Variants in PRKCH observed in about 807,000 individuals in gnomAD.
PRKCH encodes protein kinase C eta type.
In PRKCH, 28 loss-of-function variants were observed where a neutral mutation model predicts 82.5. That is an observed-to-expected ratio of 0.34 (90% CI 0.25 to 0.47). The LOEUF is 0.47. Ranked by LOEUF, PRKCH falls within the 20% of genes least tolerant of loss-of-function variation. The pLI, the probability that PRKCH is intolerant of heterozygous loss-of-function variation, is 1.00. For missense variants in PRKCH, 705 were observed against 881.8 expected (o/e 0.80, Z 2.54); for synonymous variants, 322 against 327.4 (o/e 0.98, Z 0.18).
At chr14:61,315,561 T>C (rs1402442626) in intron 1 of PRKCH, among the ~76,000 whole-genome samples, 1 of 152,176 alleles carries the variant, frequency 6.6e-6, no homozygotes, top group African/African-American at 2.4e-5. Flanking sequence ...CCTGGCAAGG[T>C]ATCAAATGCC....
In PRKCH at chr14:61,280,508, C is replaced by A. The variant is rs2045249145; in HGVS notation, c.-19+92840C>A. On this transcript the variant is annotated intron_variant, in intron 1 of 3. Coordinates refer to the PRKCH transcript ENST00000555185. This position sits in a 1 kb window ranked among gnomAD's most constrained non-coding sequence, Gnocchi z 5.0. ...CCCTGGAAGGCCAACGCCAGGCTGC[C>A]GTTGACCAGCGGCGGGTTGCGGAAC... 3.7e-6 allele frequency: 6 copies of A among 1,612,964 alleles called. No individual in the cohort carries two copies. Among genetic ancestry groups the A allele is most frequent in the Non-Finnish European group, 5.1e-6 (6 of 1,179,606 alleles).
At chr14:61,502,640 T>C (rs1306915880) in intron 10 of PRKCH, among the ~76,000 whole-genome samples, 1 of 152,148 alleles carries the variant, frequency 6.6e-6, no homozygotes, top group Admixed American at 6.5e-5. Context: ...GGACTGCTTA[T>C]TCACCAGGGA....
chr14:61,301,198 G>C (rs1202747699), intron 1 of PRKCH, among the ~76,000 whole-genome samples: 1 of 152,114 alleles, frequency 6.6e-6, no homozygotes, highest in Non-Finnish European at 1.5e-5. Context: ...ATTTACCCCA[G>C]ACAATGACTC....
intron 10 of PRKCH, among the ~76,000 whole-genome samples, chr14:61,490,078 G>A (rs949689309): frequency 3.3e-5 from 5 of 152,224 alleles, no homozygotes; most frequent in Non-Finnish European, 5.9e-5. Flanking sequence ...TTCGACTCAT[G>A]AGTCTGACTG....
At chr14:61,516,224 C>T (rs554134422) in intron 10 of PRKCH, among the ~76,000 whole-genome samples, 3 of 152,184 alleles carry the variant, frequency 2.0e-5, no homozygotes, top group African/African-American at 7.2e-5. Flanking sequence ...TTGTCCTTGG[C>T]TCATCTCTCT....
intron 1 of PRKCH, among the ~76,000 whole-genome samples, chr14:61,286,493 G>A (rs1248644373): frequency 6.6e-6 from 1 of 152,180 alleles, no homozygotes; most frequent in African/African-American, 2.4e-5. Context: ...CAAAACAGTG[G>A]TCAAAGAGAG....
intron 9 of PRKCH, chr14:61,476,450 G>A (rs1378566956): frequency 6.6e-6 from 1 of 152,228 alleles, no homozygotes; most frequent in Non-Finnish European, 1.5e-5. Context: ...CAGGAAGAGG[G>A]GACTTGTGCT....
chr14:61,227,548 G>A (rs1005070774), intron 1 of PRKCH, among the ~76,000 whole-genome samples: 4 of 152,138 alleles, frequency 2.6e-5, no homozygotes, highest in Non-Finnish European at 4.4e-5. Flanking sequence ...GAGCAGAGAT[G>A]CGCCACTGCA....
chr14:61,478,099 G>A (rs542566569), intron 9 of PRKCH, among the ~76,000 whole-genome samples: 4 of 152,362 alleles, frequency 2.6e-5, no homozygotes, highest in Admixed American at 2.0e-4. Context: ...GGCTGAAGCT[G>A]CAGTGGATGC....
intron 1 of PRKCH, among the ~76,000 whole-genome samples, chr14:61,354,549 A>G (rs1408790539): frequency 6.6e-6 from 1 of 151,978 alleles, no homozygotes; most frequent in Non-Finnish European, 1.5e-5. Context: ...TGCGTGAGGA[A>G]CTTAAAGTTT....
At chr14:61,315,342 A>G (rs1477311163) in intron 1 of PRKCH, among the ~76,000 whole-genome samples, 2 of 152,080 alleles carry the variant, frequency 1.3e-5, no homozygotes, top group African/African-American at 4.8e-5. Flanking sequence ...AATTCGTCAA[A>G]TCTCAGCTCT....
intron 9 of PRKCH, among the ~76,000 whole-genome samples, chr14:61,480,849 C>T (rs1390707123): frequency 6.6e-6 from 1 of 152,232 alleles, no homozygotes; most frequent in African/African-American, 2.4e-5. Context: ...GACAACCTGC[C>T]TGCCTTCGCA....
In PRKCH at chr14:61,201,097, C is replaced by A. The variant is rs538731593; in HGVS notation, c.-19+13429C>A. Among the ~76,000 whole-genome samples, 3 of 152,084 alleles carry A rather than the reference C, an allele frequency of 2.0e-5. No individual in the cohort carries two copies. The South Asian group carries it at 6.2e-4, about 32-fold the overall frequency. Reference sequence around the variant, plus strand: ...AGAGAATCCGTTTAACTGTGGTACTCGGAATATTCTTAGCGTGATGCAAGT... The same window carrying A: ...AGAGAATCCGTTTAACTGTGGTACTAGGAATATTCTTAGCGTGATGCAAGT... On this transcript the variant is annotated intron_variant, in intron 1 of 3. Coordinates refer to the PRKCH transcript ENST00000555185.
chr14:61,421,260 A>G (rs901993160), intron 2 of PRKCH, among the ~76,000 whole-genome samples: 2 of 151,986 alleles, frequency 1.3e-5, no homozygotes, highest in African/African-American at 4.8e-5. Context: ...ATATACAATC[A>G]GTTTCAGGCA....
At chr14:61,458,988 G>A (rs1014076602) in intron 9 of PRKCH, among the ~76,000 whole-genome samples, 4 of 152,142 alleles carry the variant, frequency 2.6e-5, no homozygotes, top group Non-Finnish European at 5.9e-5. Context: ...GCAAATATCA[G>A]GCCAAGATAA....
At chr14:61,217,745 G>A (rs2044625518) in intron 1 of PRKCH, among the ~76,000 whole-genome samples, 1 of 152,198 alleles carries the variant, frequency 6.6e-6, no homozygotes, top group Non-Finnish European at 1.5e-5. Context: ...TGAAAACATT[G>A]TCCTGTGATA....
At chr14:61,229,274 T>C (rs2044721839) in intron 1 of PRKCH, among the ~76,000 whole-genome samples, 3 of 152,268 alleles carry the variant, frequency 2.0e-5, no homozygotes. Flanking sequence ...TTAAGATTCA[T>C]TGAGGGTTGG....
intron 1 of PRKCH, chr14:61,344,443 G>T (rs1355228838): frequency 3.3e-5 from 5 of 152,126 alleles, no homozygotes; most frequent in African/African-American, 7.2e-5. Flanking sequence ...CAGGGATTTG[G>T]GGGGCAAAAT....
At chr14:61,447,893 G>A (rs1293307103) in intron 4 of PRKCH, among the ~76,000 whole-genome samples, 1 of 152,060 alleles carries the variant, frequency 6.6e-6, no homozygotes, top group East Asian at 1.9e-4. Flanking sequence ...AACTAGAGAA[G>A]GAAGATAAAT....
Sources: gnomAD v4.1 joint callset for allele counts (sites outside exome capture counted in the v4.1 genomes callset) on GRCh38, gnomAD v4.1.1 for gene constraint, Gnocchi (gnomAD v3.1) non-coding constraint, MANE v1.5 for transcripts, NCBI Gene and HGNC (gene_info 2026-07-23, HGNC 2026-07-21) for gene names.